The following MAN2A1 variants were observed in gnomAD, a reference collection of about 807,000 sequenced individuals.
MAN2A1 encodes alpha-mannosidase 2.
In MAN2A1, 76 loss-of-function variants were observed where a neutral mutation model predicts 142.6. The ratio of observed to expected loss-of-function variants is 0.53; its 90% CI spans 0.44 to 0.65. The LOEUF (loss-of-function observed/expected upper bound fraction) is 0.65. Ranked by LOEUF, MAN2A1 falls within the 30% of genes least tolerant of loss-of-function variation. The probability of loss-of-function intolerance (pLI) is 0.00; values close to 1 mark genes in which losing one functional copy is unlikely to be tolerated. For missense variants in MAN2A1, 1,311 were observed against 1,365.1 expected, an observed-to-expected ratio of 0.96 and a Z score of 0.62; for synonymous variants, 559 against 473.2, an observed-to-expected ratio of 1.18 and a Z score of -2.35.
chr5:109,717,708 T>A (rs183704058), intron 3 of MAN2A1, among the ~76,000 whole-genome samples: 2 of 152,308 alleles, frequency 1.3e-5, no homozygotes, highest in Admixed American at 1.3e-4. Flanking sequence ...GAGGCAGGTA[T>A]CTTGGCTCTG....
intron 1 of MAN2A1, among the ~76,000 whole-genome samples, chr5:109,703,226 A>G (rs774685189): frequency 3.9e-5 from 6 of 152,220 alleles, no homozygotes; most frequent in Admixed American, 6.5e-5. Flanking sequence ...GTTTGTCAAA[A>G]TTACTTGTTT....
At chr5:109,792,271 C>T (rs1314001148) in intron 12 of MAN2A1, among the ~76,000 whole-genome samples, 1 of 152,020 alleles carries the variant, frequency 6.6e-6, no homozygotes, top group Non-Finnish European at 1.5e-5. Context: ...CTACTTTGAC[C>T]TCTACCTTTT....
chr5:109,792,866 A>T (rs961528757), intron 12 of MAN2A1, among the ~76,000 whole-genome samples: 12 of 152,076 alleles, frequency 7.9e-5, no homozygotes, highest in Non-Finnish European at 1.8e-4. Flanking sequence ...TTCTCTAACC[A>T]TAGTGGCTGG....
At chr5:109,697,275 A>G (rs2112539306) in intron 1 of MAN2A1, among the ~76,000 whole-genome samples, 1 of 152,366 alleles carries the variant, frequency 6.6e-6, no homozygotes, top group East Asian at 1.9e-4. Context: ...TCTGGTTACA[A>G]CATTTTAAAT....
intron 16 of MAN2A1, among the ~76,000 whole-genome samples, chr5:109,825,863 C>G (rs1413758744): frequency 7.8e-6 from 1 of 129,014 alleles, no homozygotes; most frequent in African/African-American, 2.9e-5. Context: ...CCTCTTTTCT[C>G]TTTTTTATTC....
intron 1 of MAN2A1, among the ~76,000 whole-genome samples, chr5:109,703,902 A>G (rs1284327420): frequency 1.3e-5 from 2 of 152,168 alleles, no homozygotes; most frequent in Admixed American, 6.5e-5. Flanking sequence ...CTGTGCAGCC[A>G]TATTGGGCTG....
At chr5:109,706,315 T>C (rs1343453338) in intron 1 of MAN2A1, among the ~76,000 whole-genome samples, 1 of 152,148 alleles carries the variant, frequency 6.6e-6, no homozygotes, top group East Asian at 1.9e-4. Flanking sequence ...TATCTGGAGG[T>C]GCATATTGTA....
At chr5:109,709,425 G>A (rs1201470346) in intron 1 of MAN2A1, among the ~76,000 whole-genome samples, 1 of 152,138 alleles carries the variant, frequency 6.6e-6, no homozygotes, top group Non-Finnish European at 1.5e-5. Context: ...ATTGTTGCTC[G>A]GCAGAGGGTT....
At chr5:109,706,481 AG>A (rs1424844990) in intron 1 of MAN2A1, among the ~76,000 whole-genome samples, 1 of 152,230 alleles carries the variant, frequency 6.6e-6, no homozygotes, top group Non-Finnish European at 1.5e-5. Flanking sequence ...TTTTGCCCAT[AG>A]AAACTGAGGC....
chr5:109,778,489 C>G lies in MAN2A1; in HGVS notation c.1375-2907C>G, dbSNP rs545151334. 2.8e-4 allele frequency among the ~76,000 whole-genome samples: 42 copies of G among 152,134 alleles called. No individual in the cohort carries two copies. In the East Asian group the frequency reaches 7.1e-3, roughly 26 times the overall value. ...TGTTTGCTGTAGAATTTTGTAGATT[C>G]CCTTTATCAGATTATGGAATTTTCC... is the stretch of plus-strand genomic sequence containing the variant. On this transcript the variant is annotated intron_variant, in intron 8 of 21. Coordinates refer to ENST00000261483, the MANE Select transcript of MAN2A1 (RefSeq NM_002372.4).
At chr5:109,825,226 T>C (rs908044045) in intron 16 of MAN2A1, among the ~76,000 whole-genome samples, 2 of 152,180 alleles carry the variant, frequency 1.3e-5, no homozygotes, top group African/African-American at 4.8e-5. Flanking sequence ...ATCTTCAACT[T>C]TATAGCATTA....
chr5:109,821,409 A>G (rs1395366523), intron 15 of MAN2A1, among the ~76,000 whole-genome samples: 1 of 152,174 alleles, frequency 6.6e-6, no homozygotes, highest in East Asian at 1.9e-4. Flanking sequence ...GCTACAATGC[A>G]ATTCTGATTA....
chr5:109,766,275 A>G (rs1015932132), intron 5 of MAN2A1, among the ~76,000 whole-genome samples: 3 of 152,198 alleles, frequency 2.0e-5, no homozygotes, highest in Non-Finnish European at 4.4e-5. Flanking sequence ...CTTAGAATAC[A>G]TGAAAGCTGC....
intron 1 of MAN2A1, among the ~76,000 whole-genome samples, chr5:109,697,027 T>C (rs990570185): frequency 3.9e-5 from 6 of 152,216 alleles, no homozygotes; most frequent in African/African-American, 1.4e-4. Context: ...ACGTGTGTAT[T>C]CTGAGAAAAA....
At chr5:109,718,318 C>T (rs1751511167) in intron 3 of MAN2A1, among the ~76,000 whole-genome samples, 1 of 152,178 alleles carries the variant, frequency 6.6e-6, no homozygotes, top group African/African-American at 2.4e-5. Context: ...TTAATTCTCA[C>T]CAATCTCATT....
At chr5:109,709,707 T>C (rs2112556768) in intron 1 of MAN2A1, among the ~76,000 whole-genome samples, 1 of 152,332 alleles carries the variant, frequency 6.6e-6, no homozygotes, top group East Asian at 1.9e-4. Flanking sequence ...ATGTGATTTT[T>C]TGCTTGGTTT....
intron 5 of MAN2A1, among the ~76,000 whole-genome samples, chr5:109,759,974 G>T (rs914654427): frequency 4.0e-5 from 5 of 124,970 alleles, no homozygotes; most frequent in African/African-American, 2.3e-4. Context: ...TAGATAGATA[G>T]ATAGATAGAT....
intron 5 of MAN2A1, among the ~76,000 whole-genome samples, chr5:109,762,397 T>C (rs932977999): frequency 6.6e-6 from 1 of 152,190 alleles, no homozygotes; most frequent in Non-Finnish European, 1.5e-5. Context: ...TCTTTTTCTC[T>C]CAAGGAGTTG....
At chr5:109,831,379 T>C (rs1166431388) in intron 16 of MAN2A1, among the ~76,000 whole-genome samples, 1 of 152,126 alleles carries the variant, frequency 6.6e-6, no homozygotes, top group Non-Finnish European at 1.5e-5. Flanking sequence ...AGTGAGTCAC[T>C]GAGAGGCTAG....
Sources: gnomAD v4.1 joint callset for allele counts (sites outside exome capture counted in the v4.1 genomes callset) on GRCh38, gnomAD v4.1.1 for gene constraint, MANE v1.5 for transcripts, NCBI Gene and HGNC (gene_info 2026-07-23, HGNC 2026-07-21) for gene names.